SBF2: variants seen among roughly 807,000 people sequenced by gnomAD.
SBF2 encodes SET binding factor 2.
A neutral mutation model predicts 225.2 loss-of-function variants in SBF2; 112 were observed. The observed-to-expected ratio is 0.50, with a 90% confidence interval of 0.43 to 0.58. The LOEUF is 0.58. Ranked by LOEUF, SBF2 falls within the 20% of genes least tolerant of loss-of-function variation. The probability of loss-of-function intolerance (pLI) is 0.00; values close to 1 mark genes in which losing one functional copy is unlikely to be tolerated. For synonymous variants in SBF2, 763 were observed against 773.3 expected, an observed-to-expected ratio of 0.99 and a Z score of 0.22; for missense variants, 1,996 against 2,206.2, an observed-to-expected ratio of 0.90 and a Z score of 1.91.
In SBF2 at chr11:10,040,550, C is replaced by G. The variant is rs151047806; in HGVS notation, c.279+2294G>C. Among the ~76,000 whole-genome samples, 545 of 151,642 alleles carry G rather than the reference C, an allele frequency of 3.6e-3. 1 individual carries two copies. Among genetic ancestry groups the G allele is most frequent in the Non-Finnish European group, 4.6e-3 (312 of 67,804 alleles). On this transcript the variant is annotated intron_variant, in intron 3 of 39. Coordinates refer to ENST00000256190, the MANE Select transcript of SBF2 (RefSeq NM_030962.4). ...GCAATATATGTAGTATGTACTAGAT[C>G]CTGTACTGGAAGAAAAAAGGGATGG...
chr11:9,821,074 C>A (rs147634831), intron 28 of SBF2, among the ~76,000 whole-genome samples: 48 of 152,288 alleles, frequency 3.2e-4, no homozygotes, highest in African/African-American at 8.4e-4. Context: ...GAGAAAGGCA[C>A]AGACCTTTCT....
chr11:10,012,173 T>G (rs1948483566), intron 6 of SBF2, among the ~76,000 whole-genome samples: 1 of 152,152 alleles, frequency 6.6e-6, no homozygotes, highest in South Asian at 2.1e-4. Flanking sequence ...TGAGAAAGGG[T>G]CTTACTCTGT....
intron 16 of SBF2, chr11:9,958,905 G>A: frequency 5.9e-6 from 4 of 678,920 alleles, no homozygotes; most frequent in Non-Finnish European, 1.1e-5. Context: ...GCACTATGAT[G>A]GGCTATAAGA....
chr11:10,258,085 C>CACAA (rs1463992213), intron 1 of SBF2, among the ~76,000 whole-genome samples: 1 of 142,794 alleles, frequency 7.0e-6, no homozygotes, highest in African/African-American at 2.8e-5. Flanking sequence ...CACACATACA[C>CACAA]ACACACACAC....
rs181807365 is a variant in SBF2 at position 10,196,499 on chromosome 11, C to T, written c.56-2512G>A. The stretch of plus-strand genomic sequence containing the variant: ...GACTCAAGCGATCCTCCTACCTCAG[C>T]CTCCAAGTAGCTGGGACTGCAGGTG... On this transcript the variant is annotated intron_variant, in intron 1 of 39. Transcript: ENST00000256190. Among the ~76,000 whole-genome samples the T allele has an allele frequency of 5.6e-3, 859 of 152,134 alleles. 13 individuals are homozygous for T. Among genetic ancestry groups the T allele is most frequent in the South Asian group, 0.05 (239 of 4,810 alleles).
Position 9,781,532 on chromosome 11 carries a change from TG to T in SBF2, c.5425del (p.His1809ThrfsTer68). 1.9e-6 allele frequency: 3 copies of T among 1,614,268 alleles called. No homozygotes were observed. The highest frequency in any genetic ancestry group is 2.5e-6 in the Non-Finnish European group (3 of 1,180,040). ...ATCAAAGAAAGCCTTGTCACTTGTG[TG>T]CTTTGGGGCTCCCATGCTGGGGCCA... is the stretch of plus-strand genomic sequence containing the variant. Reference protein sequence around the residue: ...PAGPSMGAPKHTSDKAFFDLK... With the variant: ...PAGPSMGAPKXTSDKAFFDLK... On this transcript the variant is annotated frameshift_variant, in exon 39 of 40. Coordinates refer to ENST00000256190, the MANE Select transcript of SBF2 (RefSeq NM_030962.4). LOFTEE classifies it high-confidence loss of function.
chr11:10,299,705 TG>T (rs1964577618), intron 1 of SBF2, among the ~76,000 whole-genome samples: 1 of 150,458 alleles, frequency 6.6e-6, no homozygotes, highest in Non-Finnish European at 1.5e-5. Context: ...GGAATGAGTA[TG>T]TGTATGTGGG....
chr11:10,015,568 T>C (rs757008758), intron 6 of SBF2, among the ~76,000 whole-genome samples: 141 of 152,296 alleles, frequency 9.3e-4, no homozygotes, highest in Non-Finnish European at 7.6e-4. Context: ...GAGGTTATCG[T>C]GGTCCACCTG....
chr11:10,132,410 C>T (rs1327643426), intron 2 of SBF2, among the ~76,000 whole-genome samples: 4 of 151,692 alleles, frequency 2.6e-5, no homozygotes, highest in Non-Finnish European at 2.9e-5. Flanking sequence ...CTTAAGGTGG[C>T]GTGTCTGGAG....
At chr11:10,109,332 T>C (rs989097703) in intron 2 of SBF2, among the ~76,000 whole-genome samples, 5 of 152,218 alleles carry the variant, frequency 3.3e-5, no homozygotes, top group African/African-American at 1.2e-4. Flanking sequence ...GGGAGATTTA[T>C]TAAGCAGCAA....
chr11:9,875,288 A>C (rs1335461919), intron 17 of SBF2, among the ~76,000 whole-genome samples: 1 of 152,246 alleles, frequency 6.6e-6, no homozygotes. Context: ...ATAAAGTTAC[A>C]TTAAACTGTT....
chr11:9,805,449 G>A (rs1204154004), intron 32 of SBF2, among the ~76,000 whole-genome samples: 1 of 152,084 alleles, frequency 6.6e-6, no homozygotes, highest in Non-Finnish European at 1.5e-5. Context: ...ACAGACATTT[G>A]GGTTCCCCCC....
At chr11:10,084,789 G>T (rs1565211904) in intron 2 of SBF2, among the ~76,000 whole-genome samples, 3 of 152,202 alleles carry the variant, frequency 2.0e-5, no homozygotes, top group South Asian at 2.1e-4. Context: ...CAGCAACATG[G>T]ATGGAACTGG....
chr11:9,943,048 G>A (rs187082681), intron 16 of SBF2, among the ~76,000 whole-genome samples: 7 of 152,104 alleles, frequency 4.6e-5, no homozygotes, highest in Admixed American at 2.0e-4. Context: ...ATAAATAGGC[G>A]AATGAACTGA....
At chr11:9,901,977 C>T (rs1681001127) in intron 16 of SBF2, among the ~76,000 whole-genome samples, 1 of 152,172 alleles carries the variant, frequency 6.6e-6, no homozygotes, top group African/African-American at 2.4e-5. Flanking sequence ...TCCTTTCCAA[C>T]CTGATTCTGA....
intron 1 of SBF2, among the ~76,000 whole-genome samples, chr11:10,198,979 C>A (rs138291641): frequency 1.3e-5 from 2 of 152,172 alleles, no homozygotes; most frequent in Non-Finnish European, 2.9e-5. Flanking sequence ...AGTAATAATG[C>A]TGTCTCATTT....
At chr11:10,264,187 C>T (rs1961713086) in intron 1 of SBF2, among the ~76,000 whole-genome samples, 2 of 152,144 alleles carry the variant, frequency 1.3e-5, no homozygotes, top group African/African-American at 4.8e-5. Flanking sequence ...GCTCAGCAAC[C>T]ATAATCTTCC....
chr11:9,933,302 A>C (rs1052712437), intron 16 of SBF2, among the ~76,000 whole-genome samples: 6 of 152,214 alleles, frequency 3.9e-5, no homozygotes, highest in African/African-American at 1.2e-4. Flanking sequence ...CTCTGGACCA[A>C]GTGGACCTAA....
At chr11:10,209,371 G>A (rs527515365) in intron 1 of SBF2, among the ~76,000 whole-genome samples, 3 of 150,392 alleles carry the variant, frequency 2.0e-5, no homozygotes, top group East Asian at 3.9e-4. Flanking sequence ...CTGGAGCATC[G>A]CATCTACAGC....
Sources: allele counts gnomAD v4.1 joint callset (sites outside exome capture counted in the v4.1 genomes callset), GRCh38; gene constraint gnomAD v4.1.1; transcripts MANE v1.5; gene names NCBI Gene and HGNC (gene_info 2026-07-23, HGNC 2026-07-21).